Variants in LRRFIP1 observed in about 807,000 individuals in gnomAD.
LRRFIP1 encodes the protein LRR binding FLII interacting protein 1.
In LRRFIP1, 62 loss-of-function variants were observed where a neutral mutation model predicts 104.4. The observed-to-expected ratio is 0.59, with a 90% CI of 0.48 to 0.73. The LOEUF is 0.73. Ranked by LOEUF, LRRFIP1 falls within the 30% of genes least tolerant of loss-of-function variation. The pLI, the probability that LRRFIP1 is intolerant of heterozygous loss-of-function variation, is 0.00. For missense variants in LRRFIP1, 796 were observed against 824.5 expected (o/e 0.97, Z 0.42); for synonymous variants, 300 against 299.0 (o/e 1.00, Z -0.03).
rs150838863 is a variant in LRRFIP1 at position 237,742,490 on chromosome 2, T to G, written c.633+3181T>G. 5.7e-3 allele frequency among the ~76,000 whole-genome samples: 869 copies of G among 152,250 alleles called. 1 individual carries two copies. The highest frequency in any genetic ancestry group is 0.01 in the Middle Eastern group (3 of 294). On this transcript the variant is annotated intron_variant, in intron 11 of 23. Coordinates refer to ENST00000308482, the MANE Select transcript of LRRFIP1 (RefSeq NM_001137550.2). ...ATGTGTTACGGTATCCCTTGATTGATCGTGTCGAGAATAGAAAGACGGTGA... is the reference window on the plus strand; with the variant it reads ...ATGTGTTACGGTATCCCTTGATTGAGCGTGTCGAGAATAGAAAGACGGTGA...
rs1005347860 is a variant in LRRFIP1 at position 237,779,647 on chromosome 2, G to A, written c.*115G>A. 2.7e-5 allele frequency: 26 copies of A among 955,444 alleles called. No homozygotes were observed. Among genetic ancestry groups the A allele is most frequent in the South Asian group, 4.5e-5 (3 of 66,234 alleles). The allele number at this position is 955,444 out of a possible 1,614,324, so 59.2% of individuals were successfully genotyped here. Reference sequence around the variant, plus strand: ...CCCTGCCTTCCGAGAGACGAAGACCGTGGCGAGCTTGGCGCTTAGGGGCTC... The same window carrying A: ...CCCTGCCTTCCGAGAGACGAAGACCATGGCGAGCTTGGCGCTTAGGGGCTC... On this transcript the variant is annotated 3_prime_UTR_variant, in exon 24 of 24. Transcript: ENST00000308482.
intron 8 of LRRFIP1, 113 bp downstream of exon 8, chr2:237,728,048 T>G (rs2094835605): frequency 1.3e-6 from 1 of 748,772 alleles, no homozygotes; most frequent in Admixed American, 2.8e-5. Flanking sequence ...TTTTAAATTT[T>G]AAAATCGGTC....
chr2:237,677,760 TA>T (rs1402075266), intron 1 of LRRFIP1, among the ~76,000 whole-genome samples: 1 of 152,198 alleles, frequency 6.6e-6, no homozygotes, highest in Non-Finnish European at 1.5e-5. Context: ...CTACCTGTGG[TA>T]CCGGGAGGCC....
intron 1 of LRRFIP1, among the ~76,000 whole-genome samples, chr2:237,698,497 T>G (rs2093330199): frequency 6.6e-6 from 1 of 152,238 alleles, no homozygotes; most frequent in Admixed American, 6.5e-5. Flanking sequence ...TTCTTGGACT[T>G]GTCTGCCAGG....
intron 10 of LRRFIP1, among the ~76,000 whole-genome samples, chr2:237,736,500 G>C (rs2095251780): frequency 6.6e-6 from 1 of 152,180 alleles, no homozygotes; most frequent in Admixed American, 6.5e-5. Context: ...TTTCCCCCAA[G>C]CACCAGGTGG....
intron 1 of LRRFIP1, among the ~76,000 whole-genome samples, chr2:237,685,409 A>T (rs191712904): frequency 6.6e-6 from 1 of 152,308 alleles, no homozygotes; most frequent in African/African-American, 2.4e-5. Context: ...TAATGGTGTA[A>T]TGTAACGCCA....
chr2:237,647,485 G>A (rs72991767), intron 1 of LRRFIP1, among the ~76,000 whole-genome samples: 1 of 152,052 alleles, frequency 6.6e-6, no homozygotes, highest in African/African-American at 2.4e-5. Flanking sequence ...AGGGCTAGGA[G>A]AGTAGAGGGT....
intron 1 of LRRFIP1, among the ~76,000 whole-genome samples, chr2:237,690,161 G>A (rs961174545): frequency 6.6e-6 from 1 of 152,166 alleles, no homozygotes. Flanking sequence ...GTGTCTTCAA[G>A]CATTGCCTCA....
chr2:237,725,823 A>G (rs1399847659), intron 7 of LRRFIP1, among the ~76,000 whole-genome samples: 3 of 152,226 alleles, frequency 2.0e-5, no homozygotes, highest in African/African-American at 7.2e-5. Flanking sequence ...CCGTCGCTGC[A>G]GGCTGAGCTG....
intron 2 of LRRFIP1, among the ~76,000 whole-genome samples, chr2:237,710,237 G>C (rs1398759749): frequency 6.6e-6 from 1 of 151,890 alleles, no homozygotes; most frequent in Non-Finnish European, 1.5e-5. Context: ...TGTAGAATGT[G>C]TCTGTTCATA....
chr2:237,774,429 A>G lies in LRRFIP1; in HGVS notation c.1779A>G (p.Glu593=), dbSNP rs2060913515. The G allele has an allele frequency of 6.2e-7, 1 of 1,613,682 alleles. No homozygotes were observed. Among genetic ancestry groups the G allele is most frequent in the African/African-American group, 1.3e-5 (1 of 75,044 alleles). Residue 593 remains glutamate (E), a synonymous_variant, in exon 23 of 24, where the codon GAA becomes GAG. Coordinates refer to ENST00000308482, the MANE Select transcript of LRRFIP1 (RefSeq NM_001137550.2). ...AAAATGCAGAAAAAATAGAAGATGA[A>G]CTTAAGGCAGAAAAACGGAAACTCC... is the stretch of plus-strand genomic sequence containing the variant. ...AAENAEKIED[E]LKAEKRKLQR... is the part of the protein sequence containing the mutation.
At chr2:237,683,846 C>T (rs1559536854) in intron 1 of LRRFIP1, among the ~76,000 whole-genome samples, 1 of 152,342 alleles carries the variant, frequency 6.6e-6, no homozygotes, top group African/African-American at 2.4e-5. Context: ...TGCTTAGTGG[C>T]AGTGCTTTAC....
chr2:237,737,463 T>C (rs920629230), intron 10 of LRRFIP1, among the ~76,000 whole-genome samples: 2 of 152,376 alleles, frequency 1.3e-5, no homozygotes, highest in East Asian at 3.9e-4. Context: ...CGTGGCGATA[T>C]AGACTTTCAC....
At chr2:237,753,022 C>A (rs559353603) in intron 14 of LRRFIP1, among the ~76,000 whole-genome samples, 1 of 152,218 alleles carries the variant, frequency 6.6e-6, no homozygotes, top group African/African-American at 2.4e-5. Context: ...GCCAGAGACT[C>A]TACTGCCTCT....
intron 11 of LRRFIP1, among the ~76,000 whole-genome samples, chr2:237,746,524 A>G (rs1210601503): frequency 6.6e-6 from 1 of 152,104 alleles, no homozygotes; most frequent in African/African-American, 2.4e-5. Flanking sequence ...CTGCCTTCGT[A>G]TCTGTCCCAT....
intron 1 of LRRFIP1, among the ~76,000 whole-genome samples, chr2:237,631,170 CT>C (rs1286463973): frequency 6.6e-6 from 1 of 152,230 alleles, no homozygotes. Context: ...TGGGCTGCCA[CT>C]TGGGCCTGGC....
chr2:237,707,170 T>C (rs552007988), intron 1 of LRRFIP1, among the ~76,000 whole-genome samples: 6 of 152,084 alleles, frequency 3.9e-5, no homozygotes, highest in African/African-American at 1.4e-4. Flanking sequence ...AGAAAGAAGG[T>C]ACATTTGTAA....
At chr2:237,659,348 G>T (rs1261479104) in intron 1 of LRRFIP1, among the ~76,000 whole-genome samples, 1 of 150,112 alleles carries the variant, frequency 6.7e-6, no homozygotes, top group Non-Finnish European at 1.5e-5. Context: ...CTCCTGCCCC[G>T]ACCTCCCAAA....
chr2:237,652,110 T>G (rs1237288134), intron 1 of LRRFIP1, among the ~76,000 whole-genome samples: 1 of 152,204 alleles, frequency 6.6e-6, no homozygotes, highest in Non-Finnish European at 1.5e-5. Context: ...ATCATAAACT[T>G]GTCCATCATG....
Sources: allele counts gnomAD v4.1 joint callset (sites outside exome capture counted in the v4.1 genomes callset), GRCh38; gene constraint gnomAD v4.1.1; transcripts MANE v1.5; gene names NCBI Gene and HGNC (gene_info 2026-07-23, HGNC 2026-07-21).